The following ZNF804B variants were observed in gnomAD, a reference collection of about 807,000 sequenced individuals.
ZNF804B encodes zinc finger protein 804B.
A neutral mutation model predicts 101.4 loss-of-function variants in ZNF804B; 80 were observed. That is an observed-to-expected ratio of 0.79 (90% CI 0.66 to 0.95). The LOEUF (loss-of-function observed/expected upper bound fraction) is 0.95, where lower values mean the gene tolerates loss of function less well. Among genes scored for constraint, ZNF804B ranks in the 40% least tolerant of loss-of-function variants. ZNF804B has a pLI of 0.00. For synonymous variants in ZNF804B, 622 were observed against 558.8 expected, an observed-to-expected ratio of 1.11 and a Z score of -1.59; for missense variants, 1,673 against 1,561.9, an observed-to-expected ratio of 1.07 and a Z score of -1.20.
intron 1 of ZNF804B, among the ~76,000 whole-genome samples, chr7:88,766,472 A>G (rs963632752): frequency 8.5e-5 from 13 of 152,208 alleles, no homozygotes; most frequent in African/African-American, 2.9e-4. Context: ...ATACTTCTGA[A>G]GAACTGATAA....
intron 1 of ZNF804B, among the ~76,000 whole-genome samples, chr7:89,124,680 A>AT (rs1226447311): frequency 6.6e-6 from 1 of 152,166 alleles, no homozygotes; most frequent in Non-Finnish European, 1.5e-5. Context: ...GGTGATTATG[A>AT]TTTTTGCAAT....
intron 1 of ZNF804B, among the ~76,000 whole-genome samples, chr7:89,111,321 G>A (rs989068931): frequency 6.6e-6 from 1 of 152,232 alleles, no homozygotes; most frequent in Admixed American, 6.5e-5. Flanking sequence ...GTCTTCCAAA[G>A]TGGCTGGTAT....
chr7:88,876,410 CTTTAA>C (rs1791939663), intron 1 of ZNF804B, among the ~76,000 whole-genome samples: 1 of 152,156 alleles, frequency 6.6e-6, no homozygotes, highest in Non-Finnish European at 1.5e-5. Flanking sequence ...GTCTAGGCTT[CTTTAA>C]TTTAAATAAA....
chr7:89,313,488 G>A (rs537517298), intron 2 of ZNF804B, among the ~76,000 whole-genome samples: 155 of 152,280 alleles, frequency 1.0e-3, no homozygotes, highest in African/African-American at 3.5e-3. Context: ...TTACATGCAT[G>A]TTTGGACTGG....
chr7:89,195,011 C>T (rs1788523955), intron 1 of ZNF804B, among the ~76,000 whole-genome samples: 1 of 151,650 alleles, frequency 6.6e-6, no homozygotes, highest in Non-Finnish European at 1.5e-5. Context: ...GGGCTTCATC[C>T]CTGGGATGCA....
chr7:89,304,837 G>A (rs948976455), intron 2 of ZNF804B, among the ~76,000 whole-genome samples: 13 of 151,700 alleles, frequency 8.6e-5, no homozygotes, highest in African/African-American at 2.7e-4. Context: ...GGCAAAAGAC[G>A]GTCTTAATCT....
intron 1 of ZNF804B, among the ~76,000 whole-genome samples, chr7:89,004,920 T>A (rs1584066389): frequency 6.6e-6 from 1 of 151,998 alleles, no homozygotes; most frequent in South Asian, 2.1e-4. Context: ...TTGGCTATAT[T>A]TTGTGTATCA....
rs10261427 is a variant in ZNF804B, at chr7:88,786,681, A to C, written c.108+26597A>C. On this transcript the variant is annotated intron_variant, in intron 1 of 3. Transcript: ENST00000333190. ...TATATGACCTACACCTCATCTAAAG[A>C]TAGCAATACTGGAGATATCCAACCA... 2.1e-3 allele frequency among the ~76,000 whole-genome samples: 325 copies of C among 152,252 alleles called. 2 individuals carry two copies. Among genetic ancestry groups the C allele is most frequent in the African/African-American group, 7.6e-3 (315 of 41,570 alleles).
intron 2 of ZNF804B, among the ~76,000 whole-genome samples, chr7:89,291,424 AAG>A (rs2115897389): frequency 6.6e-6 from 1 of 152,354 alleles, no homozygotes; most frequent in South Asian, 2.1e-4. Flanking sequence ...AAATTTAACA[AAG>A]AGATTGAAAT....
chr7:89,002,035 T>C (rs1788298078), intron 1 of ZNF804B, among the ~76,000 whole-genome samples: 1 of 151,620 alleles, frequency 6.6e-6, no homozygotes. Context: ...GCCCAACTCA[T>C]TTAATCAAAA....
intron 2 of ZNF804B, among the ~76,000 whole-genome samples, chr7:89,274,127 T>C (rs1009614078): frequency 7.0e-6 from 1 of 143,698 alleles, no homozygotes; most frequent in Non-Finnish European, 1.5e-5. Flanking sequence ...GCTTCATTCT[T>C]TTTTTTTTCT....
At chr7:88,789,303 C>T (rs1265418820) in intron 1 of ZNF804B, among the ~76,000 whole-genome samples, 1 of 152,004 alleles carries the variant, frequency 6.6e-6, no homozygotes. Context: ...AGTAGACAGG[C>T]ATAATTTGCT....
intron 1 of ZNF804B, among the ~76,000 whole-genome samples, chr7:88,927,764 C>T (rs1354511190): frequency 1.3e-5 from 2 of 152,052 alleles, no homozygotes; most frequent in Non-Finnish European, 2.9e-5. Context: ...ACTTTTGTAC[C>T]CTTAATGATT....
chr7:88,802,719 G>T (rs1395586210), intron 1 of ZNF804B, among the ~76,000 whole-genome samples: 1 of 142,950 alleles, frequency 7.0e-6, no homozygotes, highest in Non-Finnish European at 1.5e-5. Flanking sequence ...ATAATGAACA[G>T]GAAAAAAAAA....
intron 1 of ZNF804B, among the ~76,000 whole-genome samples, chr7:89,113,915 C>T (rs1790261970): frequency 6.6e-6 from 1 of 150,950 alleles, no homozygotes; most frequent in Admixed American, 6.6e-5. Flanking sequence ...TGCCACTGCA[C>T]TCCAGCCATA....
rs745837480 is a variant in ZNF804B at position 88,975,584 on chromosome 7, T to C, written c.108+215500T>C. 6.0e-4 allele frequency among the ~76,000 whole-genome samples: 91 copies of C among 151,546 alleles called. 1 individual carries two copies. Among genetic ancestry groups the C allele is most frequent in the African/African-American group, 2.4e-4 (10 of 41,386 alleles). On this transcript the variant is annotated intron_variant, in intron 1 of 3. Coordinates refer to ENST00000333190, the MANE Select transcript of ZNF804B (RefSeq NM_181646.5). ...CATTTGTATGTCTGCTTTTGAGAAA[T>C]CTATATTCAGATCATTGCCCATTCT...
At chr7:89,283,909 A>G (rs1037469753) in intron 2 of ZNF804B, among the ~76,000 whole-genome samples, 3 of 152,118 alleles carry the variant, frequency 2.0e-5, no homozygotes, top group Non-Finnish European at 2.9e-5. Context: ...CAGACATACT[A>G]TGTAACTTAG....
chr7:88,895,380 G>C (rs909999660), intron 1 of ZNF804B, among the ~76,000 whole-genome samples: 1 of 152,202 alleles, frequency 6.6e-6, no homozygotes, highest in Non-Finnish European at 1.5e-5. Flanking sequence ...ATTAGAGTTG[G>C]ATGGATCAAT....
intron 1 of ZNF804B, among the ~76,000 whole-genome samples, chr7:88,899,119 T>G (rs1033692114): frequency 1.3e-5 from 2 of 152,216 alleles, no homozygotes; most frequent in Non-Finnish European, 2.9e-5. Flanking sequence ...GCTTCTGATA[T>G]TTGATCAGTG....
Sources: allele counts gnomAD v4.1 joint callset (sites outside exome capture counted in the v4.1 genomes callset), GRCh38; gene constraint gnomAD v4.1.1; transcripts MANE v1.5; gene names NCBI Gene and HGNC (gene_info 2026-07-23, HGNC 2026-07-21).